TNFAIP8: variants seen among roughly 807,000 people sequenced by gnomAD.
TNFAIP8 encodes TNF alpha induced protein 8, also known as tumor necrosis factor alpha-induced protein 8.
Under a neutral mutation model 13.3 loss-of-function variants are expected in TNFAIP8, and 7 were observed. The ratio of observed to expected loss-of-function variants is 0.52; its 90% CI spans 0.30 to 0.99. The LOEUF is 0.99. TNFAIP8 is among the 50% of genes least tolerant of loss of function. TNFAIP8 has a pLI of 0.07. For synonymous variants in TNFAIP8, 94 were observed against 87.6 expected, an observed-to-expected ratio of 1.07 and a Z score of -0.41; for missense variants, 258 against 236.9, an observed-to-expected ratio of 1.09 and a Z score of -0.58.
intron 1 of TNFAIP8, among the ~76,000 whole-genome samples, chr5:119,316,513 G>A (rs1749900722): frequency 1.3e-5 from 2 of 152,234 alleles, no homozygotes; most frequent in South Asian, 4.1e-4. Flanking sequence ...CCAAGATAAA[G>A]AAGACCCTAG....
intron 1 of TNFAIP8, among the ~76,000 whole-genome samples, chr5:119,271,932 T>C (rs2150798260): frequency 6.6e-6 from 1 of 152,326 alleles, no homozygotes; most frequent in African/African-American, 2.4e-5. Context: ...CCCATACTCT[T>C]GTCTCTGGTT....
Position 119,395,615 on chromosome 5 carries a change from T to C in TNFAIP8, c.*2234T>C. The C allele has an allele frequency of 6.6e-6, 1 of 152,180 alleles. No individual in the cohort carries two copies. Among genetic ancestry groups the C allele is most frequent in the Middle Eastern group, 3.2e-3 (1 of 316 alleles). 9.4% of individuals were successfully genotyped at this position (152,180 alleles called of 1,614,324 possible). A position where few individuals can be genotyped will look rare whatever the true frequency, so the allele number is the denominator to read the frequency against. ...GTGAGGAGTAGACCGAAGGAGGGAA[T>C]CCTGTTTGCTACCATTTCTCAGCAT... is the stretch of plus-strand genomic sequence containing the variant. On this transcript the variant is annotated 3_prime_UTR_variant, in exon 2 of 2. Transcript: ENST00000504771.
At chr5:119,292,655 T>C (rs1338778538) in intron 1 of TNFAIP8, among the ~76,000 whole-genome samples, 1 of 24,826 alleles carries the variant, frequency 4.0e-5, no homozygotes, top group African/African-American at 1.6e-4. Flanking sequence ...CATATATATA[T>C]ATATATATAT....
chr5:119,366,608 G>A (rs1264285044), intron 1 of TNFAIP8, among the ~76,000 whole-genome samples: 1 of 152,228 alleles, frequency 6.6e-6, no homozygotes, highest in Non-Finnish European at 1.5e-5. Flanking sequence ...AAAGCTGCCT[G>A]TGACATCGTG....
chr5:119,386,906 C>A (rs1436668159), intron 1 of TNFAIP8, among the ~76,000 whole-genome samples: 1 of 152,086 alleles, frequency 6.6e-6, no homozygotes, highest in Non-Finnish European at 1.5e-5. Flanking sequence ...TTGCTTCTGA[C>A]CCTTCCAGGG....
upstream of TNFAIP8, chr5:119,355,678 C>CT (rs377189156): frequency 8.6e-4 from 295 of 344,038 alleles, no homozygotes; most frequent in Middle Eastern, 1.5e-3. Context: ...TGAGATGAGA[C>CT]TTTTTTTTTC....
intron 1 of TNFAIP8, among the ~76,000 whole-genome samples, chr5:119,269,354 C>T (rs1317379433): frequency 6.6e-6 from 1 of 152,188 alleles, no homozygotes; most frequent in Non-Finnish European, 1.5e-5. Context: ...AGATTGTAAT[C>T]CAACCTTGCA....
chr5:119,268,783 C>A, exon 1 of TNFAIP8: 1 of 685,982 alleles, frequency 1.5e-6, no homozygotes. Flanking sequence ...CTCCCGCCGG[C>A]TCTAACCCGC....
chr5:119,355,302 A>T, upstream of TNFAIP8: 2 of 701,668 alleles, frequency 2.9e-6, no homozygotes, highest in Non-Finnish European at 5.2e-6. Context: ...TAACTGCAGC[A>T]ATGAGTGCCC....
chr5:119,284,548 G>T (rs568116435), intron 1 of TNFAIP8, among the ~76,000 whole-genome samples: 1 of 152,016 alleles, frequency 6.6e-6, no homozygotes, highest in Non-Finnish European at 1.5e-5. Flanking sequence ...CGGCATGGTG[G>T]TGCACGCCTG....
chr5:119,301,289 G>A lies in TNFAIP8; in HGVS notation c.1+32382G>A, dbSNP rs538583730. ...TCCCCATTGGGCACTCTATGCTTAT[G>A]CCATCTAGAATATTCCACAATTCTT... On this transcript the variant is annotated intron_variant, in intron 1 of 1. Coordinates refer to the TNFAIP8 transcript ENST00000274456. Among the ~76,000 whole-genome samples, 5 of 152,236 alleles carry A rather than the reference G, an allele frequency of 3.3e-5. No individual in the cohort carries two copies. In the East Asian group the frequency reaches 9.6e-4, roughly 29 times the overall value.
intron 1 of TNFAIP8, among the ~76,000 whole-genome samples, chr5:119,330,326 T>A (rs1444380925): frequency 1.3e-5 from 2 of 152,214 alleles, no homozygotes; most frequent in African/African-American, 4.8e-5. Context: ...TAGAATTAGA[T>A]GAAATAAACA....
intron 1 of TNFAIP8, among the ~76,000 whole-genome samples, chr5:119,372,654 AT>A (rs1752128068): frequency 6.6e-6 from 1 of 152,182 alleles, no homozygotes; most frequent in Admixed American, 6.5e-5. Flanking sequence ...GTATCTTAAC[AT>A]TTTTTTAAAA....
chr5:119,278,649 A>G (rs1028523543), intron 1 of TNFAIP8, among the ~76,000 whole-genome samples: 1 of 152,068 alleles, frequency 6.6e-6, no homozygotes, highest in African/African-American at 2.4e-5. Flanking sequence ...TACAGGGTGG[A>G]CAAGAAGCAT....
chr5:119,356,762 CAG>C (rs1436439857), intron 1 of TNFAIP8, among the ~76,000 whole-genome samples: 1 of 148,424 alleles, frequency 6.7e-6, no homozygotes, highest in African/African-American at 2.4e-5. Flanking sequence ...TTACTCCTAA[CAG>C]AGAACAGGTG....
At chr5:119,293,916 G>T (rs1460727154) in intron 1 of TNFAIP8, among the ~76,000 whole-genome samples, 1 of 152,158 alleles carries the variant, frequency 6.6e-6, no homozygotes. Context: ...GATAACACTT[G>T]CAGCGCTTTA....
intron 1 of TNFAIP8, among the ~76,000 whole-genome samples, chr5:119,359,655 C>T (rs1202331421): frequency 1.3e-5 from 2 of 152,140 alleles, no homozygotes; most frequent in Admixed American, 6.5e-5. Flanking sequence ...CTGTGTAGTA[C>T]TCTGTTTTAA....
intron 1 of TNFAIP8, among the ~76,000 whole-genome samples, chr5:119,307,635 A>C (rs1235317540): frequency 1.3e-5 from 2 of 152,226 alleles, no homozygotes; most frequent in Non-Finnish European, 2.9e-5. Context: ...TCTCAATTGG[A>C]GATATGTTGT....
chr5:119,321,062 A>C (rs1289627939), intron 1 of TNFAIP8, among the ~76,000 whole-genome samples: 1 of 152,204 alleles, frequency 6.6e-6, no homozygotes, highest in Non-Finnish European at 1.5e-5. Context: ...TAAAAACACA[A>C]AAAAACTAGG....
Sources: gnomAD v4.1 joint callset for allele counts (sites outside exome capture counted in the v4.1 genomes callset) on GRCh38, gnomAD v4.1.1 for gene constraint, MANE v1.5 for transcripts, NCBI Gene and HGNC (gene_info 2026-07-23, HGNC 2026-07-21) for gene names.